PLA2G4A: variants seen among roughly 807,000 people sequenced by gnomAD.
The protein encoded by PLA2G4A is phospholipase A2 group IVA.
A neutral mutation model predicts 81.9 loss-of-function variants in PLA2G4A; 40 were observed. The ratio of observed to expected loss-of-function variants is 0.49; its 90% confidence interval spans 0.38 to 0.64. The LOEUF (loss-of-function observed/expected upper bound fraction) is 0.64. PLA2G4A is among the 30% of genes least tolerant of loss of function. The pLI, the probability that PLA2G4A is intolerant of heterozygous loss-of-function variation, is 0.00. For synonymous variants in PLA2G4A, 302 were observed against 296.9 expected (o/e 1.02, Z -0.18); for missense variants, 715 against 905.1 (o/e 0.79, Z 2.69).
chr1:186,859,445 T>G (rs911207852), intron 2 of PLA2G4A, among the ~76,000 whole-genome samples: 3 of 152,216 alleles, frequency 2.0e-5, no homozygotes, highest in Non-Finnish European at 4.4e-5. Flanking sequence ...TTTATAACAT[T>G]TTCCATCTTT....
At chr1:186,955,509 G>A (rs1656712938) in intron 13 of PLA2G4A, among the ~76,000 whole-genome samples, 1 of 152,110 alleles carries the variant, frequency 6.6e-6, no homozygotes, top group Non-Finnish European at 1.5e-5. Flanking sequence ...ATTCAGGAAA[G>A]AAGGGAAGGG....
At chr1:186,968,400 ATGTGTGTGTG>A (rs58475951) in intron 15 of PLA2G4A, among the ~76,000 whole-genome samples, 1 of 137,418 alleles carries the variant, frequency 7.3e-6, no homozygotes, top group Non-Finnish European at 1.5e-5. Flanking sequence ...CGCGGTGTGT[ATGTGTGTGTG>A]TGTGTGTGTG....
chr1:186,988,931 A>G lies in PLA2G4A; in HGVS notation c.*423A>G, dbSNP rs1657982921. On this transcript the variant is annotated 3_prime_UTR_variant, in exon 18 of 18. Transcript: ENST00000367466. ...CCATGAGACAACACTATTTTTATTT[A>G]TATATGCATATATATACATACATGA... 2 of 161,646 alleles carry G rather than the reference A, an allele frequency of 1.2e-5. No individual in the cohort carries two copies. The highest frequency in any genetic ancestry group is 3.4e-4 in the South Asian group (2 of 5,928). 10.0% of individuals were successfully genotyped at this position (161,646 alleles called of 1,614,324 possible). A position where few individuals can be genotyped will look rare whatever the true frequency, so the allele number is the denominator to read the frequency against.
rs544195702 is a variant in PLA2G4A, at chr1:186,846,345, A to G, written c.-69-7941A>G. Among the ~76,000 whole-genome samples, 7 of 152,334 alleles carry G rather than the reference A, an allele frequency of 4.6e-5. No individual in the cohort carries two copies. The East Asian group carries it at 7.7e-4, about 17-fold the overall frequency. Reference sequence around the variant, plus strand: ...GATTCTATTTCAGTAATTTCTTCATAGGAGGTCTTTGTTTCTTCCCTTGAA... The same window carrying G: ...GATTCTATTTCAGTAATTTCTTCATGGGAGGTCTTTGTTTCTTCCCTTGAA... On this transcript the variant is annotated intron_variant, in intron 1 of 17. Transcript: ENST00000367466.
chr1:186,936,398 A>G (rs1655946691), intron 8 of PLA2G4A, among the ~76,000 whole-genome samples: 1 of 152,014 alleles, frequency 6.6e-6, no homozygotes, highest in African/African-American at 2.4e-5. Flanking sequence ...TCTCTTACCT[A>G]GCACAGTGCC....
chr1:186,837,747 AAAAAAG>A (rs1182059254), intron 1 of PLA2G4A, among the ~76,000 whole-genome samples: 5 of 148,352 alleles, frequency 3.4e-5, no homozygotes, highest in African/African-American at 7.6e-5. Flanking sequence ...AAAAAAAAAA[AAAAAAG>A]AAAAAGAAAA....
intron 12 of PLA2G4A, among the ~76,000 whole-genome samples, chr1:186,949,285 G>A: frequency 8.2e-6 from 1 of 122,246 alleles, no homozygotes. Context: ...AAAGAAAGAA[G>A]AAAAAGAAGG....
At chr1:186,978,578 C>T (rs1657611523) in intron 16 of PLA2G4A, among the ~76,000 whole-genome samples, 1 of 152,176 alleles carries the variant, frequency 6.6e-6, no homozygotes, top group Non-Finnish European at 1.5e-5. Context: ...AGGTGGAAAT[C>T]TGACATTTTT....
intron 17 of PLA2G4A, among the ~76,000 whole-genome samples, chr1:186,981,012 G>C (rs1420462317): frequency 2.6e-5 from 4 of 152,010 alleles, no homozygotes; most frequent in Admixed American, 2.0e-4. Flanking sequence ...AAAATTGAAA[G>C]GTTAAGAGAA....
intron 9 of PLA2G4A, 99 bp from the exon 10 acceptor site, chr1:186,939,881 A>G (rs1415301661): frequency 2.9e-6 from 2 of 685,476 alleles, no homozygotes; most frequent in East Asian, 5.4e-5. Flanking sequence ...TTTTTATTAT[A>G]AAGTTATAAG....
intron 7 of PLA2G4A, among the ~76,000 whole-genome samples, chr1:186,925,282 C>T (rs1454679482): frequency 1.3e-5 from 2 of 152,150 alleles, no homozygotes; most frequent in African/African-American, 2.4e-5. Flanking sequence ...ATAGAGAGGA[C>T]TTACATATGT....
At chr1:186,981,482 AT>A (rs1657716009) in intron 17 of PLA2G4A, among the ~76,000 whole-genome samples, 1 of 152,200 alleles carries the variant, frequency 6.6e-6, no homozygotes, top group South Asian at 2.1e-4. Context: ...GTCCCGACCT[AT>A]ACACCTCATC....
chr1:186,842,039 A>G (rs889381327), intron 1 of PLA2G4A, among the ~76,000 whole-genome samples: 5 of 124,700 alleles, frequency 4.0e-5, no homozygotes, highest in Admixed American at 2.0e-4. Flanking sequence ...GATGCATATC[A>G]TATCTTTTTT....
At chr1:186,966,422 G>T (rs1023050036) in intron 15 of PLA2G4A, among the ~76,000 whole-genome samples, 1 of 152,104 alleles carries the variant, frequency 6.6e-6, no homozygotes, top group African/African-American at 2.4e-5. Context: ...GTCTACGCTG[G>T]GGGAAAATGG....
rs558045427 is a variant in PLA2G4A at position 186,857,582 on chromosome 1, A to T, written c.33+3195A>T. On this transcript the variant is annotated intron_variant, in intron 2 of 17. Transcript: ENST00000367466. ...AATTATAATATTAATATAAATATAAAATATATTATATATATTTAGTTTTTA... is the reference window on the plus strand; with the variant it reads ...AATTATAATATTAATATAAATATAATATATATTATATATATTTAGTTTTTA... Among the ~76,000 whole-genome samples, 5 of 144,312 alleles carry T rather than the reference A, an allele frequency of 3.5e-5. No individual in the cohort carries two copies. In the East Asian group the frequency reaches 9.8e-4, roughly 28 times the overall value. 94.7% of individuals were successfully genotyped at this position (144,312 alleles called of 152,430 possible).
chr1:186,904,948 GGGTTCA>G (rs1654682335), intron 5 of PLA2G4A, among the ~76,000 whole-genome samples: 1 of 152,072 alleles, frequency 6.6e-6, no homozygotes, highest in African/African-American at 2.4e-5. Context: ...TCCGCCTGCT[GGGTTCA>G]AGTGATTCTC....
chr1:186,877,854 G>A (rs1424657520), intron 3 of PLA2G4A, among the ~76,000 whole-genome samples: 1 of 150,362 alleles, frequency 6.7e-6, no homozygotes, highest in African/African-American at 2.4e-5. Context: ...TTTTGCTTCA[G>A]TGAGACAGAA....
At chr1:186,934,664 T>C in intron 8 of PLA2G4A, among the ~76,000 whole-genome samples, 1 of 151,900 alleles carries the variant, frequency 6.6e-6, no homozygotes, top group East Asian at 1.9e-4. Flanking sequence ...CTCCTTGTAA[T>C]AAATTTTCAC....
In PLA2G4A at chr1:186,949,314, A is replaced by AGAAG. The variant is rs759733882; in HGVS notation, c.1265-1327_1265-1324dup. Among the ~76,000 whole-genome samples, 682 of 144,122 alleles carry AGAAG rather than the reference A, an allele frequency of 4.7e-3. 8 individuals are homozygous for AGAAG. Among genetic ancestry groups the AGAAG allele is most frequent in the Non-Finnish European group, 8.0e-3 (513 of 64,138 alleles). The allele number at this position is 144,122 out of a possible 152,430, so 94.5% of individuals were successfully genotyped here. ...AAGAAGGAAAAAGAAAGAAAGAGAA[A>AGAAG]GAAGGAAGGAAGGAAGGAAAGAAGA... On this transcript the variant is annotated intron_variant, in intron 12 of 17. Coordinates refer to ENST00000367466, the MANE Select transcript of PLA2G4A (RefSeq NM_024420.3).
Sources: allele counts gnomAD v4.1 joint callset (sites outside exome capture counted in the v4.1 genomes callset), GRCh38; gene constraint gnomAD v4.1.1; transcripts MANE v1.5; gene names NCBI Gene and HGNC (gene_info 2026-07-23, HGNC 2026-07-21).